MAP7: variants seen among roughly 807,000 people sequenced by gnomAD.
The protein encoded by MAP7 is microtubule associated protein 7.
In MAP7, 52 loss-of-function variants were observed where a neutral mutation model predicts 94.8. The observed-to-expected ratio is 0.55, with a 90% CI of 0.44 to 0.69. MAP7 has a LOEUF of 0.69. MAP7 is among the 30% of genes least tolerant of loss of function. The pLI is 0.00. For missense variants in MAP7, 940 were observed against 964.6 expected (o/e 0.97, Z 0.34); for synonymous variants, 350 against 357.0 (o/e 0.98, Z 0.22).
At chr6:136,538,573 T>G (rs1829060495) in intron 1 of MAP7, among the ~76,000 whole-genome samples, 1 of 151,776 alleles carries the variant, frequency 6.6e-6, no homozygotes. Context: ...ATCACTTGAG[T>G]TCGAAACCAG....
intron 1 of MAP7, among the ~76,000 whole-genome samples, chr6:136,471,667 T>C (rs1445619176): frequency 6.6e-6 from 1 of 152,192 alleles, no homozygotes; most frequent in Non-Finnish European, 1.5e-5. Context: ...GTACCCCGCA[T>C]ATGACTGTTT....
intron 1 of MAP7, among the ~76,000 whole-genome samples, chr6:136,514,853 A>G (rs1424864213): frequency 6.6e-6 from 1 of 152,150 alleles, no homozygotes; most frequent in African/African-American, 2.4e-5. Context: ...CAGAATGGCA[A>G]ATGAGCATTG....
Position 136,362,714 on chromosome 6 carries a change from G to C in MAP7, c.1274-12C>G, listed in dbSNP as rs1420844744. The C allele has an allele frequency of 1.3e-6, 2 of 1,545,680 alleles. No homozygotes were observed. The highest frequency in any genetic ancestry group is 1.7e-6 in the Non-Finnish European group (2 of 1,153,128). On this transcript the variant is annotated splice_polypyrimidine_tract_variant and intron_variant, in intron 10 of 17. Coordinates refer to ENST00000354570, the MANE Select transcript of MAP7 (RefSeq NM_003980.6). Reference sequence around the variant, plus strand: ...CATGGCTGGAGCAGCTGCACAAATAGGTACAAGGAGAAAACCAGTTGGAAA... The same window carrying C: ...CATGGCTGGAGCAGCTGCACAAATACGTACAAGGAGAAAACCAGTTGGAAA...
intron 15 of MAP7, among the ~76,000 whole-genome samples, chr6:136,357,285 T>C (rs1348143019): frequency 6.6e-6 from 1 of 152,170 alleles, no homozygotes; most frequent in Non-Finnish European, 1.5e-5. Flanking sequence ...TGGAAAGCAG[T>C]GTACTGTACC....
chr6:136,414,178 G>A (rs1788480095), intron 2 of MAP7, among the ~76,000 whole-genome samples: 1 of 142,832 alleles, frequency 7.0e-6, no homozygotes. Flanking sequence ...GCGTGAACCC[G>A]GGAGGCGGAG....
Position 136,529,464 on chromosome 6 carries a change from G to C in MAP7, c.67+20878C>G, listed in dbSNP as rs573788905. ...CACTAAGGAGCATTTTCAATTAGATGTGGCACAACTATCCTTGCATGTCAC... is the reference window on the plus strand; with the variant it reads ...CACTAAGGAGCATTTTCAATTAGATCTGGCACAACTATCCTTGCATGTCAC... On this transcript the variant is annotated intron_variant, in intron 1 of 17. Transcript: ENST00000354570. Among the ~76,000 whole-genome samples, 6 of 152,282 alleles carry C rather than the reference G, an allele frequency of 3.9e-5. No homozygotes were observed. In the South Asian group the frequency reaches 6.2e-4, roughly 16 times the overall value.
At chr6:136,474,560 C>CAAACAAGTGTGAGGA (rs1810202108) in intron 1 of MAP7, among the ~76,000 whole-genome samples, 1 of 151,976 alleles carries the variant, frequency 6.6e-6, no homozygotes, top group South Asian at 2.1e-4. Context: ...GCCTCAGCGC[C>CAAACAAGTGTGAGGA]AAACAAGTGT....
chr6:136,499,299 G>T (rs1205667631), intron 1 of MAP7, among the ~76,000 whole-genome samples: 1 of 152,066 alleles, frequency 6.6e-6, no homozygotes, highest in African/African-American at 2.4e-5. Flanking sequence ...AGGAGAAAAA[G>T]AACCCACCCA....
intron 1 of MAP7, among the ~76,000 whole-genome samples, chr6:136,426,841 C>T (rs1021538530): frequency 1.3e-5 from 2 of 152,208 alleles, no homozygotes; most frequent in African/African-American, 4.8e-5. Flanking sequence ...GTATATATCA[C>T]ATGGAACTTC....
At chr6:136,408,898 T>C (rs941258403) in intron 3 of MAP7, among the ~76,000 whole-genome samples, 2 of 152,156 alleles carry the variant, frequency 1.3e-5, no homozygotes, top group African/African-American at 2.4e-5. Flanking sequence ...CATCCTCACG[T>C]ACTCTAAGGC....
chr6:136,524,573 C>G (rs188758670), intron 1 of MAP7, among the ~76,000 whole-genome samples: 64 of 152,330 alleles, frequency 4.2e-4, no homozygotes, highest in African/African-American at 1.5e-3. Context: ...GGTTCTCAGA[C>G]AGGAGCCAGG....
intron 16 of MAP7, among the ~76,000 whole-genome samples, chr6:136,351,868 G>C (rs1789308094): frequency 6.6e-6 from 1 of 152,132 alleles, no homozygotes; most frequent in Non-Finnish European, 1.5e-5. Flanking sequence ...TGCTCAGCAG[G>C]CTTCTTTAGC....
chr6:136,362,385 G>C (rs1793075952), intron 11 of MAP7, 65 bp downstream of exon 11: 1 of 1,575,398 alleles, frequency 6.3e-7, no homozygotes, highest in African/African-American at 1.3e-5. Context: ...CTCCCTCTCA[G>C]AGGGGTGATG....
intron 1 of MAP7, among the ~76,000 whole-genome samples, chr6:136,471,145 C>CT (rs887468081): frequency 2.0e-5 from 3 of 152,082 alleles, no homozygotes; most frequent in African/African-American, 4.8e-5. Context: ...GAAGTTTGTG[C>CT]TTTTTTTGCT....
Position 136,495,453 on chromosome 6 carries a change from TACACAC to T in MAP7, c.67+54883_67+54888del, listed in dbSNP as rs55923280. Reference sequence around the variant, plus strand: ...TCATGACAAGTGAGAAGTGTGAGAATACACACACACACACACACACACACACACACA... The same window carrying T: ...TCATGACAAGTGAGAAGTGTGAGAATACACACACACACACACACACACACA... On this transcript the variant is annotated intron_variant, in intron 1 of 17. Coordinates refer to ENST00000354570, the MANE Select transcript of MAP7 (RefSeq NM_003980.6). 4.5e-3 allele frequency among the ~76,000 whole-genome samples: 649 copies of T among 142,996 alleles called. 3 individuals are homozygous for T. Among genetic ancestry groups the T allele is most frequent in the African/African-American group, 0.013 (512 of 39,150 alleles). The allele number at this position is 142,996 out of a possible 152,430, so 93.8% of individuals were successfully genotyped here.
chr6:136,429,009 T>C (rs1794114958), intron 1 of MAP7, among the ~76,000 whole-genome samples: 1 of 152,196 alleles, frequency 6.6e-6, no homozygotes, highest in East Asian at 1.9e-4. Flanking sequence ...AATCATCTTA[T>C]CATTAATATT....
At chr6:136,382,202 ACAGACAATT>A (rs1485815390) in intron 6 of MAP7, among the ~76,000 whole-genome samples, 2 of 152,220 alleles carry the variant, frequency 1.3e-5, no homozygotes, top group African/African-American at 4.8e-5. Flanking sequence ...TCTAATTGAT[ACAGACAATT>A]CAATGTCATT....
In MAP7 at chr6:136,469,435, G is replaced by A. The variant is rs561344864; in HGVS notation, c.68-47636C>T. Among the ~76,000 whole-genome samples, 117 of 151,874 alleles carry A rather than the reference G, an allele frequency of 7.7e-4. 1 individual carries two copies. The highest frequency in any genetic ancestry group is 1.9e-3 in the South Asian group (9 of 4,802). On this transcript the variant is annotated intron_variant, in intron 1 of 17. Transcript: ENST00000354570. Reference sequence around the variant, plus strand: ...GTCTCATTGTCACCCAGGCTGCAGTGCAGTGGTGTGATCTTGGCTCACTGC... The same window carrying A: ...GTCTCATTGTCACCCAGGCTGCAGTACAGTGGTGTGATCTTGGCTCACTGC...
At chr6:136,537,643 C>CA (rs1456842791) in intron 1 of MAP7, among the ~76,000 whole-genome samples, 3 of 152,116 alleles carry the variant, frequency 2.0e-5, no homozygotes, top group African/African-American at 7.2e-5. Flanking sequence ...TTTAATATTT[C>CA]AAAGGTGGCA....
Sources: allele counts gnomAD v4.1 joint callset (sites outside exome capture counted in the v4.1 genomes callset), GRCh38; gene constraint gnomAD v4.1.1; transcripts MANE v1.5; gene names NCBI Gene and HGNC (gene_info 2026-07-23, HGNC 2026-07-21).